Variants in CCDC88A observed in about 807,000 individuals in gnomAD.
CCDC88A encodes coiled-coil and HOOK domain protein 88A.
CCDC88A carries 54 observed loss-of-function variants against 234.3 expected under a neutral mutation model. The observed-to-expected ratio is 0.23, with a 90% CI of 0.19 to 0.29. The LOEUF (loss-of-function observed/expected upper bound fraction) is 0.29. CCDC88A is among the 10% of genes least tolerant of loss of function. The pLI, the probability that CCDC88A is intolerant of heterozygous loss-of-function variation, is 1.00. For missense variants in CCDC88A, 1,832 were observed against 2,123.4 expected (o/e 0.86, Z 2.70); for synonymous variants, 753 against 737.8 (o/e 1.02, Z -0.33).
chr2:55,310,355 G>A (rs1034606128), intron 23 of CCDC88A, among the ~76,000 whole-genome samples: 4 of 152,180 alleles, frequency 2.6e-5, no homozygotes, highest in Non-Finnish European at 5.9e-5. Flanking sequence ...GTGGAGGCAG[G>A]TGGATCACTT....
rs904630632 is a variant in CCDC88A, at chr2:55,287,894, G to A, written c.*3306C>T. On this transcript the variant is annotated 3_prime_UTR_variant, in exon 33 of 33. Coordinates refer to ENST00000436346, the MANE Select transcript of CCDC88A (RefSeq NM_001365480.1). ...ATTTCTTTTTATATTAGTTTGATAC[G>A]TGAATGTTAGTCCAACTTAATTTTT... 6.6e-6 allele frequency: 1 copy of A among 152,568 alleles called. No individual in the cohort carries two copies. The highest frequency in any genetic ancestry group is 2.4e-5 in the African/African-American group (1 of 41,540). 9.5% of individuals were successfully genotyped at this position (152,568 alleles called of 1,614,324 possible). A position where few individuals can be genotyped will look rare whatever the true frequency, so the allele number is the denominator to read the frequency against.
chr2:55,296,387 T>C lies in CCDC88A; in HGVS notation c.4962A>G (p.Pro1654=), dbSNP rs1680032643. The C allele has an allele frequency of 1.2e-6, 2 of 1,614,106 alleles. No homozygotes were observed. The highest frequency in any genetic ancestry group is 2.2e-5 in the South Asian group (2 of 91,092). The stretch of plus-strand genomic sequence containing the variant: ...TTTCAGATATTTTGTGCTGGAGCAC[T>C]GGGCTTGATCTGGTCTGTCTTTTCA... ...QYLKRQTRSS[P]VLQHKISETL... is the part of the protein sequence containing the mutation. The change falls in exon 30 of 33, where the codon CCA becomes CCG. Residue 1654 remains proline (P), a synonymous_variant. Transcript: ENST00000436346.
chr2:55,414,636 G>A (rs188504862), intron 2 of CCDC88A, among the ~76,000 whole-genome samples: 1 of 152,314 alleles, frequency 6.6e-6, no homozygotes, highest in Non-Finnish European at 1.5e-5. Flanking sequence ...AAATTGTGAG[G>A]CAGAGTCAGT....
chr2:55,363,916 TA>T, intron 6 of CCDC88A, 33 bp downstream of exon 6: 1 of 1,195,818 alleles, frequency 8.4e-7, no homozygotes, highest in Admixed American at 1.9e-5. Context: ...ACAAGCTTCA[TA>T]AATAGCACGT....
At chr2:55,414,716 T>A (rs1345721247) in intron 2 of CCDC88A, among the ~76,000 whole-genome samples, 1 of 7,016 alleles carries the variant, frequency 1.4e-4, no homozygotes, top group Non-Finnish European at 1.2e-3. Flanking sequence ...AACAGAGTCA[T>A]TAAATTAATC....
rs1685385489 is a variant in CCDC88A at position 55,335,614 on chromosome 2, T to C, written c.1657-450A>G. On this transcript the variant is annotated intron_variant, in intron 14 of 32. Transcript: ENST00000436346. This position sits in a 1 kb window ranked among gnomAD's most constrained non-coding sequence, Gnocchi z 4.5. ...ATGTGCTGTATTACATGTGTATATA[T>C]GGGTTTGTATGTGTGTGTATTCATT... 6.6e-6 allele frequency among the ~76,000 whole-genome samples: 1 copy of C among 152,176 alleles called. No homozygotes were observed. The highest frequency in any genetic ancestry group is 1.5e-5 in the Non-Finnish European group (1 of 68,030).
intron 2 of CCDC88A, chr2:55,403,402 A>G (rs1679047796): frequency 6.6e-6 from 1 of 152,236 alleles, no homozygotes; most frequent in Non-Finnish European, 1.5e-5. Context: ...ACCCAACAAA[A>G]TAACTTTTAT....
chr2:55,353,247 T>C (rs1342396694), intron 8 of CCDC88A, among the ~76,000 whole-genome samples: 3 of 152,172 alleles, frequency 2.0e-5, no homozygotes, highest in African/African-American at 7.2e-5. Context: ...CTTAAACGAA[T>C]TCACAGCCAT....
chr2:55,334,861 T>C lies in CCDC88A; in HGVS notation c.1960A>G (p.Thr654Ala), dbSNP rs750915273. 6.6e-6 allele frequency: 10 copies of C among 1,524,388 alleles called. No individual in the cohort carries two copies. The highest frequency in any genetic ancestry group is 8.9e-6 in the Non-Finnish European group (10 of 1,122,654). 94.4% of individuals were successfully genotyped at this position (1,524,388 alleles called of 1,614,324 possible). A position where few individuals can be genotyped will look rare whatever the true frequency, so the allele number is the denominator to read the frequency against. The change falls in exon 15 of 33, where the codon ACT (threonine) becomes GCT (alanine). Residue 654 changes from threonine (T) to alanine (A), a missense_variant. By Grantham distance (58) the Thr-to-Ala change is moderately conservative. This residue lies in a region of CCDC88A where 1,282 missense variants were observed against 1,543.6 expected (regional missense o/e 0.83). Coordinates refer to ENST00000436346, the MANE Select transcript of CCDC88A (RefSeq NM_001365480.1). The surrounding 1 kb of genome is among the most constrained non-coding windows in gnomAD (Gnocchi z 6.1). The stretch of plus-strand genomic sequence containing the variant: ...TCTAAGGCCTCAATTTTTTCACAAG[T>C]AATTTTTAAATTAGTTATTTTTTTC... Reference protein sequence around the residue: ...LQKKITNLKITCEKIEALEQE... With the variant: ...LQKKITNLKIACEKIEALEQE...
At chr2:55,413,397 C>G (rs1166716487) in intron 2 of CCDC88A, among the ~76,000 whole-genome samples, 1 of 152,114 alleles carries the variant, frequency 6.6e-6, no homozygotes, top group African/African-American at 2.4e-5. Context: ...CCTTCCCCAT[C>G]AGGAAGGGAA....
At chr2:55,383,241 C>CA (rs977369160) in intron 3 of CCDC88A, among the ~76,000 whole-genome samples, 8 of 152,076 alleles carry the variant, frequency 5.3e-5, no homozygotes, top group Non-Finnish European at 1.2e-4. Flanking sequence ...ACCAACCTAT[C>CA]AAAAAAATTT....
At chr2:55,299,388 C>A (rs1357392040) in intron 29 of CCDC88A, among the ~76,000 whole-genome samples, 3 of 152,082 alleles carry the variant, frequency 2.0e-5, no homozygotes, top group Non-Finnish European at 2.9e-5. Flanking sequence ...AGTTCTTGTT[C>A]AATATATATA....
At chr2:55,329,548 C>T (rs1055944915) in intron 16 of CCDC88A, 2 of 152,102 alleles carry the variant, frequency 1.3e-5, no homozygotes, top group Non-Finnish European at 2.9e-5. Context: ...GTCTGAGTTG[C>T]TTCTGGTCTA....
chr2:55,393,017 T>C (rs935155704), intron 2 of CCDC88A, among the ~76,000 whole-genome samples: 4 of 152,154 alleles, frequency 2.6e-5, no homozygotes, highest in African/African-American at 4.8e-5. Context: ...TAGTGATCTT[T>C]TCTATCATTT....
intron 3 of CCDC88A, among the ~76,000 whole-genome samples, chr2:55,384,588 TAC>T (rs544249095): frequency 0.061 from 209 of 3,402 alleles, 21 homozygotes; most frequent in Middle Eastern, 0.17. Flanking sequence ...TGTGTATATA[TAC>T]ACATATATAC....
chr2:55,384,519 TTA>T (rs66744262), intron 3 of CCDC88A, among the ~76,000 whole-genome samples: 989 of 11,628 alleles, frequency 0.085, 101 homozygotes, highest in African/African-American at 0.17. Flanking sequence ...TATATATAAA[TTA>T]TATATATATA....
intron 7 of CCDC88A, among the ~76,000 whole-genome samples, chr2:55,358,268 T>G (rs1160483484): frequency 6.6e-6 from 1 of 152,370 alleles, no homozygotes; most frequent in South Asian, 2.1e-4. Context: ...TAGGCTCATA[T>G]GGATTAAATA....
At chr2:55,320,878 A>G (rs1683538389) in intron 18 of CCDC88A, 1 of 152,122 alleles carries the variant, frequency 6.6e-6, no homozygotes, top group African/African-American at 2.4e-5. Context: ...AGGAGGCTGA[A>G]GAGAGCAGAT....
chr2:55,340,780 A>T (rs541257341), intron 12 of CCDC88A, among the ~76,000 whole-genome samples: 1 of 152,280 alleles, frequency 6.6e-6, no homozygotes, highest in Admixed American at 6.5e-5. Context: ...CTGTTGTATG[A>T]TATCTATTAA....
Sources: gnomAD v4.1 joint callset for allele counts (sites outside exome capture counted in the v4.1 genomes callset) on GRCh38, gnomAD v4.1.1 for gene constraint, gnomAD v4.1.1 regional missense constraint, Gnocchi (gnomAD v3.1) non-coding constraint, MANE v1.5 for transcripts, NCBI Gene and HGNC (gene_info 2026-07-23, HGNC 2026-07-21) for gene names.